The following SNTG1 variants were observed in gnomAD, a reference collection of about 807,000 sequenced individuals.
The protein encoded by SNTG1 is syntrophin gamma 1.
In SNTG1, 39 loss-of-function variants were observed where a neutral mutation model predicts 74.7. The ratio of observed to expected loss-of-function variants is 0.52; its 90% confidence interval spans 0.40 to 0.68. The LOEUF is 0.68. Ranked by LOEUF, SNTG1 falls within the 30% of genes least tolerant of loss-of-function variation. The pLI, the probability that SNTG1 is intolerant of heterozygous loss-of-function variation, is 0.00. For synonymous variants in SNTG1, 254 were observed against 217.1 expected (o/e 1.17, Z -1.49); for missense variants, 685 against 609.5 (o/e 1.12, Z -1.30).
chr8:50,652,442 T>C (rs1585966220), intron 13 of SNTG1, among the ~76,000 whole-genome samples: 1 of 152,308 alleles, frequency 6.6e-6, no homozygotes, highest in African/African-American at 2.4e-5. Context: ...TGTTCTACAA[T>C]TATCAGTTTG....
rs933101948 is a variant in SNTG1, at chr8:50,296,252, C to G, written c.-27-97960C>G. The stretch of plus-strand genomic sequence containing the variant: ...CAGAAATACTATTTGACCCAGCAAT[C>G]CCATTACTGGGAATATACCCAAAGG... On this transcript the variant is annotated intron_variant, in intron 2 of 18. Coordinates refer to ENST00000642720, the MANE Select transcript of SNTG1 (RefSeq NM_018967.5). Among the ~76,000 whole-genome samples the G allele has an allele frequency of 4.6e-5, 7 of 152,286 alleles. No individual in the cohort carries two copies. In the East Asian group the frequency reaches 1.4e-3, roughly 29 times the overall value.
At chr8:50,463,069 CT>C (rs1269378898) in intron 8 of SNTG1, among the ~76,000 whole-genome samples, 1 of 152,148 alleles carries the variant, frequency 6.6e-6, no homozygotes, top group East Asian at 1.9e-4. Flanking sequence ...CCTGCCTTGG[CT>C]TCCCAAAGTG....
At chr8:50,380,440 A>G (rs1465507954) in intron 2 of SNTG1, among the ~76,000 whole-genome samples, 1 of 152,152 alleles carries the variant, frequency 6.6e-6, no homozygotes, top group Non-Finnish European at 1.5e-5. Context: ...CCTAGAGCAA[A>G]CTCTATAAAT....
intron 15 of SNTG1, among the ~76,000 whole-genome samples, chr8:50,677,024 A>G (rs566746986): frequency 9.9e-5 from 15 of 151,970 alleles, no homozygotes; most frequent in Non-Finnish European, 2.2e-4. Flanking sequence ...CCAACATCTT[A>G]TATTTATCTC....
intron 1 of SNTG1, among the ~76,000 whole-genome samples, chr8:50,069,490 T>C (rs1821171645): frequency 6.6e-6 from 1 of 151,872 alleles, no homozygotes; most frequent in South Asian, 2.1e-4. Context: ...TTTAAAATTG[T>C]TTATTGCAAA....
chr8:50,512,820 AT>A (rs1300713324), intron 9 of SNTG1, among the ~76,000 whole-genome samples: 5 of 151,836 alleles, frequency 3.3e-5, no homozygotes, highest in Non-Finnish European at 5.9e-5. Flanking sequence ...CATTCATCTA[AT>A]TTTTTTTCAA....
intron 12 of SNTG1, among the ~76,000 whole-genome samples, chr8:50,556,849 A>C (rs2094458406): frequency 6.6e-6 from 1 of 152,156 alleles, no homozygotes; most frequent in Non-Finnish European, 1.5e-5. Flanking sequence ...ACTTCAGATG[A>C]GATAGCAGAT....
intron 15 of SNTG1, among the ~76,000 whole-genome samples, chr8:50,677,906 A>G (rs537260884): frequency 3.3e-5 from 5 of 151,930 alleles, no homozygotes; most frequent in Non-Finnish European, 7.4e-5. Flanking sequence ...TATTTTATTA[A>G]CAATAATAAT....
chr8:49,935,633 A>C (rs1419494022), intron 1 of SNTG1, among the ~76,000 whole-genome samples: 131 of 152,132 alleles, frequency 8.6e-4, no homozygotes, highest in Non-Finnish European at 1.0e-4. Context: ...GACAGGAGAA[A>C]TCAAACAAAG....
chr8:50,678,295 G>A (rs946725193), intron 15 of SNTG1, among the ~76,000 whole-genome samples: 1 of 151,882 alleles, frequency 6.6e-6, no homozygotes, highest in Non-Finnish European at 1.5e-5. Flanking sequence ...GAATTGATAT[G>A]TTCTATTGCT....
At chr8:50,373,077 A>C (rs979062619) in intron 2 of SNTG1, among the ~76,000 whole-genome samples, 1 of 152,212 alleles carries the variant, frequency 6.6e-6, no homozygotes, top group African/African-American at 2.4e-5. Flanking sequence ...ATCTACAGAG[A>C]ACAGAGGGAG....
At chr8:50,130,739 A>AAAATT (rs545856835) in intron 1 of SNTG1, among the ~76,000 whole-genome samples, 206 of 152,238 alleles carry the variant, frequency 1.4e-3, no homozygotes, top group Non-Finnish European at 2.3e-3. Flanking sequence ...CTGAGAATCA[A>AAAATT]AAATTAATAC....
rs138131384 is a variant in SNTG1, at chr8:50,480,510, C to T, written c.364-22268C>T. Among the ~76,000 whole-genome samples the T allele has an allele frequency of 2.3e-4, 35 of 152,230 alleles. No homozygotes were observed. In the East Asian group the frequency reaches 5.4e-3, roughly 24 times the overall value. On this transcript the variant is annotated intron_variant, in intron 8 of 18. Coordinates refer to ENST00000642720, the MANE Select transcript of SNTG1 (RefSeq NM_018967.5). Reference sequence around the variant, plus strand: ...CTGCTCAGGCTAATTAACAAGCTCCCGACATGTAGCATCACACAATCCAAG... The same window carrying T: ...CTGCTCAGGCTAATTAACAAGCTCCTGACATGTAGCATCACACAATCCAAG...
chr8:50,597,891 C>G (rs1410734431), intron 13 of SNTG1, among the ~76,000 whole-genome samples: 4 of 151,696 alleles, frequency 2.6e-5, no homozygotes, highest in Admixed American at 1.3e-4. Context: ...GATCTTTTGC[C>G]CATTTTAAAA....
chr8:50,579,176 G>C (rs1337718140), intron 12 of SNTG1, among the ~76,000 whole-genome samples: 2 of 152,172 alleles, frequency 1.3e-5, no homozygotes, highest in African/African-American at 4.8e-5. Context: ...ATGGAGATGA[G>C]GAACTTGTTG....
At chr8:50,585,570 A>T (rs901669470) in intron 12 of SNTG1, among the ~76,000 whole-genome samples, 3 of 152,236 alleles carry the variant, frequency 2.0e-5, no homozygotes, top group African/African-American at 7.2e-5. Flanking sequence ...TTTGAAGATC[A>T]GTCTTAAAAT....
At chr8:49,917,022 A>T (rs189855504) in intron 1 of SNTG1, among the ~76,000 whole-genome samples, 6 of 128,784 alleles carry the variant, frequency 4.7e-5, no homozygotes, top group Admixed American at 3.5e-4. Flanking sequence ...ATCTCAAAAA[A>T]ATATATATAT....
intron 1 of SNTG1, among the ~76,000 whole-genome samples, chr8:50,096,361 A>G (rs553707392): frequency 6.6e-6 from 1 of 152,320 alleles, no homozygotes; most frequent in East Asian, 1.9e-4. Flanking sequence ...AACTCTGGAA[A>G]TCTTGGAGCT....
At chr8:49,980,324 G>A (rs1812557372) in intron 1 of SNTG1, among the ~76,000 whole-genome samples, 1 of 151,930 alleles carries the variant, frequency 6.6e-6, no homozygotes, top group Non-Finnish European at 1.5e-5. Flanking sequence ...CTCTCTGCTT[G>A]CTCCATCACG....
Sources: gnomAD v4.1 joint callset for allele counts (sites outside exome capture counted in the v4.1 genomes callset) on GRCh38, gnomAD v4.1.1 for gene constraint, MANE v1.5 for transcripts, NCBI Gene and HGNC (gene_info 2026-07-23, HGNC 2026-07-21) for gene names.